TAOK3: variants seen among roughly 807,000 people sequenced by gnomAD.
TAOK3 encodes serine/threonine-protein kinase TAO3.
TAOK3 carries 40 observed loss-of-function variants against 120.4 expected under a neutral mutation model. The observed-to-expected ratio is 0.33, with a 90% confidence interval of 0.26 to 0.43. The LOEUF is 0.43. Among genes scored for constraint, TAOK3 ranks in the 20% least tolerant of loss-of-function variants. The pLI, the probability that TAOK3 is intolerant of heterozygous loss-of-function variation, is 1.00. For missense variants in TAOK3, 821 were observed against 1,112.1 expected (o/e 0.74, Z 3.72); for synonymous variants, 355 against 387.5 (o/e 0.92, Z 0.99).
intron 1 of TAOK3, among the ~76,000 whole-genome samples, chr12:118,344,215 A>AT (rs1353914052): frequency 6.9e-6 from 1 of 144,034 alleles, no homozygotes. Context: ...TGCAGTCTGA[A>AT]TTTTTTTTCC....
intron 1 of TAOK3, among the ~76,000 whole-genome samples, chr12:118,361,445 C>T (rs1055493869): frequency 1.3e-5 from 2 of 151,706 alleles, no homozygotes; most frequent in Non-Finnish European, 2.9e-5. Context: ...TCATTTACTT[C>T]CTTAGGATTT....
intron 19 of TAOK3, chr12:118,159,896 C>T (rs2035105090): frequency 1.9e-6 from 1 of 536,378 alleles, no homozygotes; most frequent in Non-Finnish European, 3.3e-6. Context: ...TCACATTTGC[C>T]CTCAAAGTCC....
intron 14 of TAOK3, 58 bp from the exon 15 acceptor site, chr12:118,181,665 A>G: frequency 6.7e-7 from 1 of 1,484,188 alleles, no homozygotes; most frequent in Non-Finnish European, 9.4e-7. Flanking sequence ...ACAAGCTTTC[A>G]TGCAAAGTAG....
At chr12:118,215,591 G>T (rs1314225657) in intron 9 of TAOK3, among the ~76,000 whole-genome samples, 1 of 152,052 alleles carries the variant, frequency 6.6e-6, no homozygotes, top group East Asian at 1.9e-4. Context: ...ACTGTCTGAT[G>T]CCTGATTCAG....
chr12:118,341,966 T>C (rs1361311870), intron 1 of TAOK3, among the ~76,000 whole-genome samples: 1 of 152,158 alleles, frequency 6.6e-6, no homozygotes, highest in Non-Finnish European at 1.5e-5. Context: ...AAGGTTGCAG[T>C]GAGCTATGAT....
chr12:118,241,466 A>G (rs2040248430), intron 5 of TAOK3, among the ~76,000 whole-genome samples: 2 of 152,242 alleles, frequency 1.3e-5, no homozygotes, highest in African/African-American at 4.8e-5. Context: ...TAGAACTTTA[A>G]AACTGAATAG....
At chr12:118,197,082 A>G (rs1264709822) in intron 13 of TAOK3, among the ~76,000 whole-genome samples, 1 of 152,232 alleles carries the variant, frequency 6.6e-6, no homozygotes, top group Non-Finnish European at 1.5e-5. Flanking sequence ...TAAAGATAAC[A>G]TATTTTAAAG....
chr12:118,197,829 A>G (rs978518681), intron 13 of TAOK3, among the ~76,000 whole-genome samples: 8 of 151,850 alleles, frequency 5.3e-5, no homozygotes, highest in Admixed American at 4.6e-4. Flanking sequence ...CTGGGACTAC[A>G]GGTGCCTACC....
intron 1 of TAOK3, among the ~76,000 whole-genome samples, chr12:118,368,990 C>A: frequency 7.4e-6 from 1 of 134,484 alleles, no homozygotes; most frequent in African/African-American, 2.8e-5. Context: ...GAAATCCCAT[C>A]TCTACTAAAA....
rs1708260118 is a variant in TAOK3 at position 118,161,618 on chromosome 12, C to T, written c.2139+170G>A. Among the ~76,000 whole-genome samples the T allele has an allele frequency of 1.3e-5, 2 of 152,206 alleles. No individual in the cohort carries two copies. The highest frequency in any genetic ancestry group is 4.1e-4 in the South Asian group (2 of 4,826). The stretch of plus-strand genomic sequence containing the variant: ...TTCCAAACCAGCTTGCCCAACATCT[C>T]CTTTTCAGGAGCTTAAATATAGACT... On this transcript the variant is annotated intron_variant, in intron 18 of 20. Transcript: ENST00000392533. The surrounding 1 kb of genome is among the most constrained non-coding windows in gnomAD (Gnocchi z 4.5).
At chr12:118,358,557 C>T (rs2141283521) in intron 1 of TAOK3, among the ~76,000 whole-genome samples, 1 of 152,190 alleles carries the variant, frequency 6.6e-6, no homozygotes, top group African/African-American at 2.4e-5. Context: ...TAAACTGTAT[C>T]CATTTAAGAT....
intron 1 of TAOK3, among the ~76,000 whole-genome samples, chr12:118,308,099 G>A (rs1254405285): frequency 6.6e-6 from 1 of 152,084 alleles, no homozygotes; most frequent in African/African-American, 2.4e-5. Flanking sequence ...AGACCTTGCT[G>A]ATAAAACAGG....
intron 1 of TAOK3, among the ~76,000 whole-genome samples, chr12:118,283,178 T>G (rs2042154442): frequency 6.6e-6 from 1 of 152,240 alleles, no homozygotes; most frequent in Non-Finnish European, 1.5e-5. Flanking sequence ...TGCTCAAGTA[T>G]TCATTCATTC....
intron 13 of TAOK3, among the ~76,000 whole-genome samples, chr12:118,192,053 G>A (rs900762096): frequency 3.3e-5 from 5 of 151,944 alleles, no homozygotes; most frequent in Non-Finnish European, 5.9e-5. Context: ...TTCTCCACAG[G>A]GCAGACCAAA....
intron 9 of TAOK3, among the ~76,000 whole-genome samples, chr12:118,224,007 C>G (rs930098786): frequency 6.6e-6 from 1 of 152,180 alleles, no homozygotes; most frequent in Non-Finnish European, 1.5e-5. Context: ...ATAATCGCTA[C>G]CATTTACTGA....
At chr12:118,350,371 A>G (rs916274338) in intron 1 of TAOK3, among the ~76,000 whole-genome samples, 3 of 150,296 alleles carry the variant, frequency 2.0e-5, no homozygotes, top group African/African-American at 7.5e-5. Flanking sequence ...ACATCAGTAT[A>G]CACCCCTGTA....
intron 12 of TAOK3, chr12:118,200,475 A>T (rs749157566): frequency 2.0e-5 from 3 of 152,162 alleles, no homozygotes; most frequent in African/African-American, 4.8e-5. Flanking sequence ...GAATCTTAAC[A>T]TAATTATTTT....
rs2036716034 is a variant in TAOK3 at position 118,181,419 on chromosome 12, G to A, written c.1518C>T (p.Ile506=). ...GCTTCTTGGCCAGCTTCTCCAGCTC[G>A]ATGGACGAGTTGTTGGCATGCGTCT... ...EVETHANNSS[I]ELEKLAKKQV... Residue 506 remains isoleucine, a synonymous_variant, in exon 15 of 21, where the codon ATC becomes ATT. Coordinates refer to ENST00000392533, the MANE Select transcript of TAOK3 (RefSeq NM_016281.4). 6 of 1,613,990 alleles carry A rather than the reference G, an allele frequency of 3.7e-6. No homozygotes were observed. Among genetic ancestry groups the A allele is most frequent in the African/African-American group, 2.7e-5 (2 of 74,912 alleles).
At chr12:118,177,129 G>A in intron 16 of TAOK3, 72 bp downstream of exon 16, 1 of 1,476,106 alleles carries the variant, frequency 6.8e-7, no homozygotes, top group Non-Finnish European at 9.3e-7. Flanking sequence ...TGATCACAAT[G>A]CAAGATGAGT....
Sources: gnomAD v4.1 joint callset for allele counts (sites outside exome capture counted in the v4.1 genomes callset) on GRCh38, gnomAD v4.1.1 for gene constraint, Gnocchi (gnomAD v3.1) non-coding constraint, MANE v1.5 for transcripts, NCBI Gene and HGNC (gene_info 2026-07-23, HGNC 2026-07-21) for gene names.